The following PTPRD variants were observed in gnomAD, a reference collection of about 807,000 sequenced individuals.
PTPRD encodes protein tyrosine phosphatase receptor type D, also known as receptor-type tyrosine-protein phosphatase delta.
A neutral mutation model predicts 214.5 loss-of-function variants in PTPRD; 34 were observed. That is an observed-to-expected ratio of 0.16 (90% CI 0.12 to 0.21). The LOEUF (loss-of-function observed/expected upper bound fraction) is 0.21. Among genes scored for constraint, PTPRD ranks in the 10% least tolerant of loss-of-function variants. The pLI, the probability that PTPRD is intolerant of heterozygous loss-of-function variation, is 1.00. For synonymous variants in PTPRD, 1,128 were observed against 845.7 expected (o/e 1.33, Z -5.79); for missense variants, 2,545 against 2,398.7 (o/e 1.06, Z -1.27).
At chr9:9,867,786 G>C (rs1236608651) in intron 5 of PTPRD, among the ~76,000 whole-genome samples, 1 of 152,002 alleles carries the variant, frequency 6.6e-6, no homozygotes, top group South Asian at 2.1e-4. Context: ...ACATTAAAAA[G>C]GAACTTCCTC....
intron 2 of PTPRD, among the ~76,000 whole-genome samples, chr9:10,464,412 C>G (rs10959113): frequency 1.9e-4 from 27 of 143,374 alleles, no homozygotes; most frequent in African/African-American, 7.1e-4. Flanking sequence ...GATAGAGAGA[C>G]AGAGAGAGAG....
intron 4 of PTPRD, among the ~76,000 whole-genome samples, chr9:9,972,806 A>G (rs1056612954): frequency 3.9e-5 from 6 of 152,014 alleles, no homozygotes; most frequent in Non-Finnish European, 5.9e-5. Context: ...TTCCTTTCTC[A>G]TATCTCCTAC....
chr9:9,076,853 T>G (rs185753864), intron 10 of PTPRD, among the ~76,000 whole-genome samples: 2 of 151,848 alleles, frequency 1.3e-5, no homozygotes, highest in Non-Finnish European at 2.9e-5. Flanking sequence ...GGTAGCTCTA[T>G]TTTTAGTTTT....
chr9:9,982,782 A>G (rs2095588796), intron 4 of PTPRD, among the ~76,000 whole-genome samples: 1 of 152,144 alleles, frequency 6.6e-6, no homozygotes. Context: ...AGCTTAATGA[A>G]GCAAGGAGGA....
chr9:8,941,855 G>C (rs2099035973), intron 11 of PTPRD, among the ~76,000 whole-genome samples: 1 of 152,114 alleles, frequency 6.6e-6, no homozygotes, highest in African/African-American at 2.4e-5. Context: ...GCCTAGGCTG[G>C]AGTGCAATGG....
chr9:10,528,702 T>C (rs1347273798), intron 2 of PTPRD, among the ~76,000 whole-genome samples: 2 of 152,168 alleles, frequency 1.3e-5, no homozygotes, highest in African/African-American at 4.8e-5. Context: ...TTAACATTGG[T>C]ATATAGCTTG....
chr9:10,215,682 A>G (rs1416401188), intron 3 of PTPRD, among the ~76,000 whole-genome samples: 1 of 152,068 alleles, frequency 6.6e-6, no homozygotes, highest in African/African-American at 2.4e-5. Flanking sequence ...ATGCATATCA[A>G]TAAATATGTG....
intron 9 of PTPRD, among the ~76,000 whole-genome samples, chr9:9,198,241 A>G (rs1413387961): frequency 2.6e-5 from 4 of 152,098 alleles, no homozygotes; most frequent in Admixed American, 2.6e-4. Context: ...GGAGATTTTT[A>G]GGCTATAAAC....
intron 5 of PTPRD, among the ~76,000 whole-genome samples, chr9:9,820,799 G>A (rs1459270143): frequency 2.6e-5 from 4 of 151,998 alleles, no homozygotes; most frequent in Non-Finnish European, 2.9e-5. Flanking sequence ...CTGTAGGTGT[G>A]TGGCTTTATT....
chr9:9,074,585 T>A (rs1205516267), intron 10 of PTPRD, among the ~76,000 whole-genome samples: 1 of 152,086 alleles, frequency 6.6e-6, no homozygotes, highest in African/African-American at 2.4e-5. Flanking sequence ...ATCTGGCTCA[T>A]ATTTTATTAT....
At chr9:9,746,782 A>T (rs183810667) in intron 6 of PTPRD, among the ~76,000 whole-genome samples, 1 of 151,310 alleles carries the variant, frequency 6.6e-6, no homozygotes, top group African/African-American at 2.4e-5. Context: ...TTTTTACTTC[A>T]GGGTGTGAAG....
At chr9:10,122,984 T>C (rs1007524347) in intron 3 of PTPRD, among the ~76,000 whole-genome samples, 2 of 152,266 alleles carry the variant, frequency 1.3e-5, no homozygotes, top group Non-Finnish European at 2.9e-5. Flanking sequence ...TTAACAACTA[T>C]GCTTGCCTGA....
intron 12 of PTPRD, among the ~76,000 whole-genome samples, chr9:8,674,392 A>T (rs908813298): frequency 7.8e-6 from 1 of 128,304 alleles, no homozygotes; most frequent in East Asian, 2.8e-4. Context: ...CAGGAGGCGG[A>T]GGTTGCAGTG....
In PTPRD at chr9:8,518,333, T is replaced by C. The variant is rs2097823218; in HGVS notation, c.1058A>G (p.Tyr353Cys). The C allele has an allele frequency of 6.2e-7, 1 of 1,614,044 alleles. No individual in the cohort carries two copies. The highest frequency in any genetic ancestry group is 8.5e-7 in the Non-Finnish European group (1 of 1,180,018). ...TTTAGGTTTATGCTGAATTATGTAA[T>C]AAGAAACAGGCTCAGGGTTCCCAGA... ...WDSGNPEPVS[Y>C]YIIQHKPKNS... The change falls in exon 21 of 46, where the codon TAT becomes TGT. Residue 353 changes from tyrosine to cysteine, a missense_variant. Coordinates refer to ENST00000381196, the MANE Select transcript of PTPRD (RefSeq NM_002839.4).
intron 3 of PTPRD, among the ~76,000 whole-genome samples, chr9:10,120,679 T>G (rs1017153932): frequency 1.3e-5 from 2 of 151,804 alleles, no homozygotes; most frequent in African/African-American, 4.8e-5. Flanking sequence ...GAAAAAAAAT[T>G]TGCTTAAAAA....
At chr9:9,522,623 A>G (rs2097012545) in intron 8 of PTPRD, among the ~76,000 whole-genome samples, 1 of 152,176 alleles carries the variant, frequency 6.6e-6, no homozygotes, top group Non-Finnish European at 1.5e-5. Flanking sequence ...GCCAAGGGAA[A>G]AACCATGCTC....
intron 9 of PTPRD, among the ~76,000 whole-genome samples, chr9:9,225,375 A>C (rs1309008509): frequency 6.6e-6 from 1 of 152,012 alleles, no homozygotes; most frequent in African/African-American, 2.4e-5. Flanking sequence ...TTTATCGAAG[A>C]CCAACCATCG....
At chr9:8,408,856 C>T (rs1320042595) in intron 35 of PTPRD, among the ~76,000 whole-genome samples, 2 of 146,304 alleles carry the variant, frequency 1.4e-5, no homozygotes, top group Admixed American at 7.0e-5. Context: ...AAAAATGACC[C>T]AATAGAAGAA....
chr9:9,142,193 A>T (rs1479833038), intron 10 of PTPRD, among the ~76,000 whole-genome samples: 2 of 152,156 alleles, frequency 1.3e-5, no homozygotes, highest in East Asian at 1.9e-4. Context: ...GCAGAGGCAA[A>T]TCCCATAGAA....
Sources: gnomAD v4.1 joint callset for allele counts (sites outside exome capture counted in the v4.1 genomes callset) on GRCh38, gnomAD v4.1.1 for gene constraint, MANE v1.5 for transcripts, NCBI Gene and HGNC (gene_info 2026-07-23, HGNC 2026-07-21) for gene names.